MYO9B: variants seen among roughly 807,000 people sequenced by gnomAD.
The protein encoded by MYO9B is unconventional myosin-IXb.
MYO9B carries 71 observed loss-of-function variants against 229.5 expected under a neutral mutation model. The ratio of observed to expected loss-of-function variants is 0.31; its 90% CI spans 0.26 to 0.38. MYO9B has a LOEUF of 0.38. Among genes scored for constraint, MYO9B ranks in the 10% least tolerant of loss-of-function variants. The probability of loss-of-function intolerance (pLI) is 1.00; values close to 1 mark genes in which losing one functional copy is unlikely to be tolerated. For missense variants in MYO9B, 2,255 were observed against 2,920.5 expected, an observed-to-expected ratio of 0.77 and a Z score of 5.25; for synonymous variants, 1,185 against 1,235.8, an observed-to-expected ratio of 0.96 and a Z score of 0.86.
chr19:17,091,725 C>A (rs1229729534), intron 1 of MYO9B, among the ~76,000 whole-genome samples: 1 of 152,126 alleles, frequency 6.6e-6, no homozygotes, highest in African/African-American at 2.4e-5. Flanking sequence ...GCTCCCACCA[C>A]CCCCATCCCA....
At chr19:17,123,046 C>T (rs1329367333) in intron 2 of MYO9B, among the ~76,000 whole-genome samples, 2 of 152,188 alleles carry the variant, frequency 1.3e-5, no homozygotes, top group Admixed American at 6.5e-5. Context: ...ACGATCACAC[C>T]ACTGCTCTCC....
intron 1 of MYO9B, among the ~76,000 whole-genome samples, chr19:17,080,804 G>A (rs141277027): frequency 5.1e-4 from 78 of 152,028 alleles, no homozygotes; most frequent in African/African-American, 1.8e-3. Flanking sequence ...GGGAGTTTGA[G>A]GCTACAGTGA....
At position 17,195,273 on chromosome 19, in the gene MYO9B, A is replaced by G. The variant is rs768883841; in HGVS notation, c.3846A>G (p.Pro1282=). The G allele has an allele frequency of 1.2e-6, 2 of 1,611,862 alleles. No homozygotes were observed. The highest frequency in any genetic ancestry group is 1.3e-5 in the African/African-American group (1 of 74,652). Residue 1282 remains proline (P), a synonymous_variant, in exon 22 of 40, where the codon CCA becomes CCG. Coordinates refer to ENST00000682292, the MANE Select transcript of MYO9B (RefSeq NM_004145.4). This position sits in a 1 kb window ranked among gnomAD's most constrained non-coding sequence, Gnocchi z 4.5. ...ACAAGAGCAAACCATGTGGCAGCCC[A>G]AGGGTTCAGGAAAAGCCCGACAGCC... ...PEDKSKPCGS[P]RVQEKPDSPG...
chr19:17,199,983 T>C (rs1414279674), intron 24 of MYO9B, among the ~76,000 whole-genome samples: 6 of 152,060 alleles, frequency 3.9e-5, no homozygotes, highest in South Asian at 2.1e-4. Context: ...GCAATTCTCC[T>C]GCCTCAACCT....
chr19:17,174,301 G>A, intron 13 of MYO9B, among the ~76,000 whole-genome samples: 1 of 151,948 alleles, frequency 6.6e-6, no homozygotes, highest in East Asian at 2.0e-4. Context: ...AGAGTGCTGG[G>A]ATTACAGGCG....
chr19:17,204,309 T>A (rs1287081609), intron 30 of MYO9B, among the ~76,000 whole-genome samples: 1 of 150,462 alleles, frequency 6.6e-6, no homozygotes, highest in African/African-American at 2.4e-5. Flanking sequence ...CTTTGCCCCG[T>A]GACATCTTCG....
intron 2 of MYO9B, among the ~76,000 whole-genome samples, chr19:17,111,006 T>C (rs2057842789): frequency 6.6e-6 from 1 of 152,148 alleles, no homozygotes; most frequent in Admixed American, 6.5e-5. Flanking sequence ...CCACTAGCTC[T>C]GTTCCCCCAC....
chr19:17,108,758 C>G (rs926098503), intron 2 of MYO9B, among the ~76,000 whole-genome samples: 3 of 152,124 alleles, frequency 2.0e-5, no homozygotes, highest in East Asian at 1.9e-4. Context: ...GCTCTATCGC[C>G]CAGGCTGGAG....
At chr19:17,083,018 G>A (rs2057547743) in intron 1 of MYO9B, among the ~76,000 whole-genome samples, 1 of 139,106 alleles carries the variant, frequency 7.2e-6, no homozygotes, top group Admixed American at 7.8e-5. Context: ...GAAAGTGTGT[G>A]AATCTTGCTT....
chr19:17,166,848 G>A (rs892732566), intron 10 of MYO9B, among the ~76,000 whole-genome samples: 1 of 152,088 alleles, frequency 6.6e-6, no homozygotes, highest in Non-Finnish European at 1.5e-5. Flanking sequence ...CCTTTTTTAT[G>A]GCTGGGTAGT....
intron 2 of MYO9B, among the ~76,000 whole-genome samples, chr19:17,137,709 C>T (rs899489251): frequency 1.3e-5 from 2 of 152,136 alleles, no homozygotes; most frequent in Non-Finnish European, 2.9e-5. Context: ...TGAATGGAGC[C>T]TTCTCCAAGG....
intron 7 of MYO9B, among the ~76,000 whole-genome samples, chr19:17,158,307 C>T (rs551554381): frequency 2.3e-4 from 35 of 152,296 alleles, no homozygotes; most frequent in African/African-American, 7.7e-4. Flanking sequence ...CACGGTGGCT[C>T]ACGCCTGTAA....
chr19:17,195,954 C>T lies in MYO9B; in HGVS notation c.4046+481C>T, dbSNP rs2073037648. On this transcript the variant is annotated intron_variant, in intron 22 of 39. Coordinates refer to ENST00000682292, the MANE Select transcript of MYO9B (RefSeq NM_004145.4). This position sits in a 1 kb window ranked among gnomAD's most constrained non-coding sequence, Gnocchi z 4.5. ...AAATCAGGGAGGAGACAGGCCTTCC[C>T]TGCAGCAGGCCTGCTCAGCCTCCCA... 6.6e-6 allele frequency among the ~76,000 whole-genome samples: 1 copy of T among 151,940 alleles called. No individual in the cohort carries two copies. The highest frequency in any genetic ancestry group is 6.6e-5 in the Admixed American group (1 of 15,238).
intron 13 of MYO9B, among the ~76,000 whole-genome samples, chr19:17,173,502 C>T (rs2072748864): frequency 6.6e-6 from 1 of 151,992 alleles, no homozygotes; most frequent in Non-Finnish European, 1.5e-5. Flanking sequence ...CGGGGTTTCG[C>T]CCTGTTGGCC....
chr19:17,125,736 C>T (rs1262617042), intron 2 of MYO9B, among the ~76,000 whole-genome samples: 5 of 152,138 alleles, frequency 3.3e-5, no homozygotes, highest in African/African-American at 9.7e-5. Flanking sequence ...TCTGTACATC[C>T]CTGCCGTCCG....
intron 18 of MYO9B, among the ~76,000 whole-genome samples, chr19:17,187,540 GTTC>G (rs1420577177): frequency 1.9e-5 from 2 of 106,818 alleles, no homozygotes; most frequent in Non-Finnish European, 3.5e-5. Flanking sequence ...TTGCATTTGG[GTTC>G]TTTTTTTTTT....
chr19:17,200,461 A>T, intron 25 of MYO9B, 35 bp downstream of exon 25: 4 of 1,547,510 alleles, frequency 2.6e-6, no homozygotes, highest in Non-Finnish European at 3.5e-6. Flanking sequence ...CAGACAGTAG[A>T]GCCACCAGTG....
In MYO9B at chr19:17,198,181, C is replaced by T. The variant is rs777633831; in HGVS notation, c.4114-3C>T. On this transcript the variant is annotated splice_polypyrimidine_tract_variant and splice_region_variant and intron_variant, in intron 23 of 39. Transcript: ENST00000682292. Reference sequence around the variant, plus strand: ...AGCAGCCCCCCACTGCACCGTCTTGCAGCCTGCAGCAGAAACCACGGACGG... The same window carrying T: ...AGCAGCCCCCCACTGCACCGTCTTGTAGCCTGCAGCAGAAACCACGGACGG... 2.5e-6 allele frequency: 4 copies of T among 1,613,706 alleles called. No individual in the cohort carries two copies. Among genetic ancestry groups the T allele is most frequent in the East Asian group, 2.2e-5 (1 of 44,868 alleles).
At chr19:17,196,997 C>T (rs1435656524) in intron 22 of MYO9B, among the ~76,000 whole-genome samples, 1 of 151,898 alleles carries the variant, frequency 6.6e-6, no homozygotes, top group Non-Finnish European at 1.5e-5. Context: ...TAGGTAGAGC[C>T]GGGTTCGGGG....
Sources: gnomAD v4.1 joint callset for allele counts (sites outside exome capture counted in the v4.1 genomes callset) on GRCh38, gnomAD v4.1.1 for gene constraint, Gnocchi (gnomAD v3.1) non-coding constraint, MANE v1.5 for transcripts, NCBI Gene and HGNC (gene_info 2026-07-23, HGNC 2026-07-21) for gene names.